CNTN1: variants seen among roughly 807,000 people sequenced by gnomAD.
CNTN1 encodes contactin 1, also known as contactin-1.
A neutral mutation model predicts 126.4 loss-of-function variants in CNTN1; 38 were observed. That is an observed-to-expected ratio of 0.30 (90% CI 0.23 to 0.39). The LOEUF (loss-of-function observed/expected upper bound fraction) is 0.39. Ranked by LOEUF, CNTN1 falls within the 10% of genes least tolerant of loss-of-function variation. The pLI is 1.00. For missense variants in CNTN1, 1,009 were observed against 1,248.4 expected (o/e 0.81, Z 2.89); for synonymous variants, 413 against 422.6 (o/e 0.98, Z 0.28).
intron 1 of CNTN1, among the ~76,000 whole-genome samples, chr12:40,883,617 T>C (rs1306027700): frequency 2.0e-5 from 3 of 151,502 alleles, no homozygotes; most frequent in Non-Finnish European, 3.0e-5. Context: ...GAAACACAGT[T>C]TGAAGATGAA....
At chr12:40,796,233 G>A (rs1240201933) in intron 1 of CNTN1, among the ~76,000 whole-genome samples, 2 of 152,080 alleles carry the variant, frequency 1.3e-5, no homozygotes, top group African/African-American at 4.8e-5. Flanking sequence ...TAGAGAAATA[G>A]CATAGAATGT....
At chr12:40,815,907 T>C (rs1304705160) in intron 1 of CNTN1, among the ~76,000 whole-genome samples, 1 of 152,212 alleles carries the variant, frequency 6.6e-6, no homozygotes, top group African/African-American at 2.4e-5. Flanking sequence ...ATTGAGATAA[T>C]CTTGTGGTTT....
intron 14 of CNTN1, among the ~76,000 whole-genome samples, chr12:40,950,316 G>A (rs548729411): frequency 1.8e-4 from 27 of 152,202 alleles, no homozygotes; most frequent in Non-Finnish European, 3.4e-4. Flanking sequence ...TTTTAAGCAT[G>A]ATGTATTGGA....
At chr12:40,789,259 A>G (rs1940141035) in intron 1 of CNTN1, among the ~76,000 whole-genome samples, 1 of 152,160 alleles carries the variant, frequency 6.6e-6, no homozygotes, top group Non-Finnish European at 1.5e-5. Context: ...TTGCATTTTG[A>G]TAACTGAATC....
At chr12:40,944,221 C>A in intron 14 of CNTN1, 51 bp downstream of exon 14, 2 of 1,479,414 alleles carry the variant, frequency 1.4e-6, no homozygotes, top group South Asian at 1.1e-5. Context: ...TCCTATGTGT[C>A]TGCATTGAAA....
chr12:41,012,655 G>T (rs1405815123), intron 17 of CNTN1, among the ~76,000 whole-genome samples: 7 of 152,170 alleles, frequency 4.6e-5, no homozygotes, highest in African/African-American at 1.4e-4. Context: ...CAACCCATGG[G>T]TTCTCCATGT....
intron 15 of CNTN1, chr12:40,972,006 A>G (rs1947530361): frequency 6.1e-6 from 6 of 991,510 alleles, no homozygotes; most frequent in Non-Finnish European, 6.0e-6. Flanking sequence ...TCTTAATCCT[A>G]GTACCATACA....
At chr12:40,942,278 T>A (rs561706394) in intron 12 of CNTN1, among the ~76,000 whole-genome samples, 2 of 152,194 alleles carry the variant, frequency 1.3e-5, no homozygotes, top group East Asian at 3.9e-4. Flanking sequence ...AAGAAATTAA[T>A]TAATGGCAAT....
chr12:41,061,493 G>A (rs1232195356), intron 23 of CNTN1, among the ~76,000 whole-genome samples: 2 of 152,118 alleles, frequency 1.3e-5, no homozygotes, highest in South Asian at 2.1e-4. Context: ...ATTGCCAAAC[G>A]AATAGGAGCA....
intron 7 of CNTN1, among the ~76,000 whole-genome samples, chr12:40,932,169 C>G (rs1450527853): frequency 6.6e-6 from 1 of 151,480 alleles, no homozygotes; most frequent in Non-Finnish European, 1.5e-5. Context: ...TGTCCTCACC[C>G]AAATCTCACC....
intron 1 of CNTN1, among the ~76,000 whole-genome samples, chr12:40,740,061 A>T (rs1206610089): frequency 6.6e-6 from 1 of 152,094 alleles, no homozygotes; most frequent in African/African-American, 2.4e-5. Flanking sequence ...AAAATAATGG[A>T]TTCTAAACTC....
At chr12:40,837,054 A>G (rs950030045) in intron 1 of CNTN1, among the ~76,000 whole-genome samples, 29 of 152,308 alleles carry the variant, frequency 1.9e-4, no homozygotes, top group African/African-American at 5.3e-4. Flanking sequence ...TATTCATTAG[A>G]TTGTTCATCT....
At chr12:40,981,161 C>G in intron 16 of CNTN1, 94 bp downstream of exon 16, 1 of 1,252,384 alleles carries the variant, frequency 8.0e-7, no homozygotes, top group East Asian at 2.3e-5. Context: ...ATGTCATTAT[C>G]TACCTTGAAA....
At chr12:40,795,173 GC>G (rs1457526831) in intron 1 of CNTN1, among the ~76,000 whole-genome samples, 1 of 151,898 alleles carries the variant, frequency 6.6e-6, no homozygotes, top group Non-Finnish European at 1.5e-5. Context: ...CAAGTTTTGA[GC>G]CTTTCAGCCA....
intron 12 of CNTN1, among the ~76,000 whole-genome samples, chr12:40,940,452 T>C (rs1946228823): frequency 2.0e-5 from 3 of 152,206 alleles, no homozygotes; most frequent in Non-Finnish European, 1.5e-5. Flanking sequence ...AGGATCACTT[T>C]TGTCATTTGA....
At chr12:40,954,855 G>A (rs918888311) in intron 14 of CNTN1, among the ~76,000 whole-genome samples, 2 of 152,142 alleles carry the variant, frequency 1.3e-5, no homozygotes, top group Non-Finnish European at 2.9e-5. Context: ...CTGCTCTGAT[G>A]TGTGACAGTA....
chr12:40,946,295 T>C (rs560751641), intron 14 of CNTN1, among the ~76,000 whole-genome samples: 1 of 152,246 alleles, frequency 6.6e-6, no homozygotes, highest in East Asian at 1.9e-4. Flanking sequence ...TAATTGCTTC[T>C]AGGATTGTTA....
chr12:40,904,313 A>G (rs1384128371), intron 1 of CNTN1, among the ~76,000 whole-genome samples: 3 of 150,202 alleles, frequency 2.0e-5, no homozygotes, highest in South Asian at 2.1e-4. Flanking sequence ...CACCCCGCCC[A>G]GCCCTCTTCT....
intron 17 of CNTN1, among the ~76,000 whole-genome samples, chr12:41,008,828 A>C (rs1259137691): frequency 6.6e-6 from 1 of 152,192 alleles, no homozygotes; most frequent in Non-Finnish European, 1.5e-5. Context: ...CTTATATAAA[A>C]TCTCTTTCCT....
Sources: allele counts gnomAD v4.1 joint callset (sites outside exome capture counted in the v4.1 genomes callset), GRCh38; gene constraint gnomAD v4.1.1; transcripts MANE v1.5; gene names NCBI Gene and HGNC (gene_info 2026-07-23, HGNC 2026-07-21).